The following DOCK2 variants were observed in gnomAD, a reference collection of about 807,000 sequenced individuals.
DOCK2 encodes the protein dedicator of cytokinesis 2.
In DOCK2, 87 loss-of-function variants were observed where a neutral mutation model predicts 248.9. The ratio of observed to expected loss-of-function variants is 0.35; its 90% CI spans 0.29 to 0.42. The LOEUF is 0.42. DOCK2 is among the 10% of genes least tolerant of loss of function. The probability of loss-of-function intolerance (pLI) is 1.00; values close to 1 mark genes in which losing one functional copy is unlikely to be tolerated. For synonymous variants in DOCK2, 805 were observed against 821.6 expected (o/e 0.98, Z 0.35); for missense variants, 1,747 against 2,300.2 (o/e 0.76, Z 4.92).
intron 26 of DOCK2, among the ~76,000 whole-genome samples, chr5:169,804,391 A>G (rs1767180335): frequency 6.6e-6 from 1 of 152,112 alleles, no homozygotes; most frequent in Non-Finnish European, 1.5e-5. Context: ...TCCCCAATAT[A>G]TAACGACTAA....
chr5:169,756,094 T>C (rs1282250355), intron 23 of DOCK2, among the ~76,000 whole-genome samples: 2 of 152,238 alleles, frequency 1.3e-5, no homozygotes, highest in African/African-American at 4.8e-5. Flanking sequence ...TCCCCTGTCA[T>C]GTTGCTAAAA....
chr5:170,071,245 T>C (rs1388592571), intron 46 of DOCK2, among the ~76,000 whole-genome samples: 1 of 152,260 alleles, frequency 6.6e-6, no homozygotes, highest in East Asian at 1.9e-4. Context: ...TTATATTTAT[T>C]GAGCCTCTGT....
chr5:169,807,833 CAAAAA>C (rs61670398), intron 26 of DOCK2, among the ~76,000 whole-genome samples: 261 of 24,216 alleles, frequency 0.011, 2 homozygotes, highest in African/African-American at 0.021. Flanking sequence ...GACTCTGTCT[CAAAAA>C]AAAAAAAAAA....
At chr5:170,015,760 T>C (rs1013331206) in intron 32 of DOCK2, among the ~76,000 whole-genome samples, 6 of 151,762 alleles carry the variant, frequency 4.0e-5, no homozygotes, top group Non-Finnish European at 7.4e-5. Context: ...CCAACTTAAT[T>C]CTCAGCCAAG....
At chr5:170,051,461 T>C (rs1756912513) in intron 41 of DOCK2, among the ~76,000 whole-genome samples, 1 of 152,204 alleles carries the variant, frequency 6.6e-6, no homozygotes, top group Admixed American at 6.5e-5. Flanking sequence ...CTCAGCTCCT[T>C]ACATGACTAG....
chr5:170,018,219 A>G (rs1287320626), intron 32 of DOCK2, among the ~76,000 whole-genome samples: 1 of 152,210 alleles, frequency 6.6e-6, no homozygotes, highest in African/African-American at 2.4e-5. Flanking sequence ...GTTTAAGCTA[A>G]GATAGCACCC....
intron 25 of DOCK2, among the ~76,000 whole-genome samples, chr5:169,780,368 T>C (rs1765644014): frequency 6.6e-6 from 1 of 151,102 alleles, no homozygotes; most frequent in African/African-American, 2.4e-5. Flanking sequence ...CCTTCCAAAA[T>C]GCATGGGAAA....
intron 8 of DOCK2, among the ~76,000 whole-genome samples, chr5:169,688,635 A>T (rs975840772): frequency 6.6e-6 from 1 of 152,188 alleles, no homozygotes; most frequent in Non-Finnish European, 1.5e-5. Context: ...CAGGTTTGGG[A>T]GCATTTCATA....
In DOCK2 at chr5:169,714,057, C is replaced by T. The variant is rs777636158; in HGVS notation, c.1689C>T (p.Ser563=). 3.2e-5 allele frequency: 52 copies of T among 1,610,504 alleles called. No homozygotes were observed. The Middle Eastern group carries it at 5.0e-4, about 15-fold the overall frequency. ...ACAGCAAGAAGATGGAGGATGCCAG[C>T]GCATACCTGACCCTTCCTTCTTATC... ...KGDSKKMEDA[S]AYLTLPSYRH... Residue 563 remains serine, a synonymous_variant, in exon 18 of 52, where the codon AGC becomes AGT. Transcript: ENST00000520908.
At chr5:169,823,784 G>A (rs577999065) in intron 26 of DOCK2, among the ~76,000 whole-genome samples, 85 of 152,294 alleles carry the variant, frequency 5.6e-4, no homozygotes, top group Non-Finnish European at 1.0e-3. Context: ...AATCAGACAG[G>A]AGAAAGAAAT....
At chr5:169,875,191 A>G (rs1315227409) in intron 27 of DOCK2, 1 of 455,964 alleles carries the variant, frequency 2.2e-6, no homozygotes. Context: ...TACCTAAAAA[A>G]ATCCTTCTGC....
chr5:169,878,550 A>G (rs545698770), intron 27 of DOCK2, among the ~76,000 whole-genome samples: 80 of 152,250 alleles, frequency 5.3e-4, no homozygotes, highest in Non-Finnish European at 8.5e-4. Flanking sequence ...CTTTCTTTGC[A>G]GAGAAATGTG....
chr5:170,057,716 G>A (rs1462312540), intron 44 of DOCK2, 50 bp downstream of exon 44: 7 of 1,500,152 alleles, frequency 4.7e-6, no homozygotes, highest in Admixed American at 4.2e-5. Flanking sequence ...GATGGGCAGG[G>A]CACAGCCAGT....
At chr5:169,745,435 T>A (rs932893488) in intron 22 of DOCK2, among the ~76,000 whole-genome samples, 1 of 152,122 alleles carries the variant, frequency 6.6e-6, no homozygotes, top group Non-Finnish European at 1.5e-5. Context: ...GAACTTCCCA[T>A]GTGGGTTGAT....
At chr5:169,670,347 G>A (rs1486516354) in intron 3 of DOCK2, among the ~76,000 whole-genome samples, 195 bp from the exon 4 acceptor site, 6 of 152,124 alleles carry the variant, frequency 3.9e-5, no homozygotes, top group Non-Finnish European at 8.8e-5. Context: ...AGAACTGGAG[G>A]GAAAGCCAGA....
intron 35 of DOCK2, 120 bp from the exon 36 acceptor site, chr5:170,036,395 C>A: frequency 1.0e-6 from 1 of 994,318 alleles, no homozygotes; most frequent in South Asian, 1.6e-5. Context: ...GTTTCTTATT[C>A]CTATCTCAGG....
intron 27 of DOCK2, among the ~76,000 whole-genome samples, chr5:169,908,855 C>G (rs949900503): frequency 6.6e-6 from 1 of 151,998 alleles, no homozygotes; most frequent in Non-Finnish European, 1.5e-5. Flanking sequence ...ACTGGGACTA[C>G]AGGCCCCCAC....
At chr5:169,691,790 A>G (rs925423975) in intron 9 of DOCK2, among the ~76,000 whole-genome samples, 1 of 151,896 alleles carries the variant, frequency 6.6e-6, no homozygotes, top group African/African-American at 2.4e-5. Context: ...TGAGCCTGGC[A>G]TGTGGGTCCA....
At chr5:169,952,293 G>A in intron 27 of DOCK2, among the ~76,000 whole-genome samples, 1 of 152,142 alleles carries the variant, frequency 6.6e-6, no homozygotes, top group South Asian at 2.1e-4. Context: ...TTGAGAACTT[G>A]TTGTGTACCT....
Sources: gnomAD v4.1 joint callset for allele counts (sites outside exome capture counted in the v4.1 genomes callset) on GRCh38, gnomAD v4.1.1 for gene constraint, MANE v1.5 for transcripts, NCBI Gene and HGNC (gene_info 2026-07-23, HGNC 2026-07-21) for gene names.